RPH3A: variants seen among roughly 807,000 people sequenced by gnomAD.
RPH3A encodes rabphilin-3A.
RPH3A carries 48 observed loss-of-function variants against 102.2 expected under a neutral mutation model. The observed-to-expected ratio is 0.47, with a 90% CI of 0.37 to 0.60. The LOEUF (loss-of-function observed/expected upper bound fraction) is 0.60, where lower values mean the gene tolerates loss of function less well. Ranked by LOEUF, RPH3A falls within the 20% of genes least tolerant of loss-of-function variation. The pLI, the probability that RPH3A is intolerant of heterozygous loss-of-function variation, is 0.00. For synonymous variants in RPH3A, 310 were observed against 324.3 expected (o/e 0.96, Z 0.47); for missense variants, 781 against 910.1 (o/e 0.86, Z 1.83).
chr12:112,869,843 C>T (rs1355553592), intron 9 of RPH3A, 46 bp downstream of exon 9: 1 of 1,613,972 alleles, frequency 6.2e-7, no homozygotes. Context: ...ACGAATTCAC[C>T]TAATTCCCTC....
At position 112,898,461 on chromosome 12, in the gene RPH3A, C is replaced by T. The variant is rs1565952868; in HGVS notation, c.*1681C>T. The T allele has an allele frequency of 6.6e-6, 1 of 152,244 alleles. No individual in the cohort carries two copies. The highest frequency in any genetic ancestry group is 1.5e-5 in the Non-Finnish European group (1 of 68,072). The allele number at this position is 152,244 out of a possible 1,614,324, so 9.4% of individuals were successfully genotyped here. On this transcript the variant is annotated 3_prime_UTR_variant, in exon 22 of 22. Coordinates refer to ENST00000389385, the MANE Select transcript of RPH3A (RefSeq NM_001143854.2). ...TCTTAACTTTTCAACGCCCTCCACC[C>T]TCAGCTCCCTGCACAATTCATGGGA...
At chr12:112,706,465 C>T (rs2040427532) in intron 1 of RPH3A, among the ~76,000 whole-genome samples, 1 of 152,128 alleles carries the variant, frequency 6.6e-6, no homozygotes, top group South Asian at 2.1e-4. Flanking sequence ...CCTACTGATG[C>T]TTGCTGGGAT....
chr12:112,611,623 G>C lies in RPH3A; in HGVS notation c.-140+36304G>C, dbSNP rs144077835. Among the ~76,000 whole-genome samples, 1,163 of 152,168 alleles carry C rather than the reference G, an allele frequency of 7.6e-3. 11 individuals carry two copies. The highest frequency in any genetic ancestry group is 0.027 in the African/African-American group (1,105 of 41,518). On this transcript the variant is annotated intron_variant, in intron 1 of 21. Coordinates refer to the RPH3A transcript ENST00000543106. Reference sequence around the variant, plus strand: ...CCAGCTAATTTTTGTATTTTTGGTAGAGATTGGGAGGGGGGGTTCACCATG... The same window carrying C: ...CCAGCTAATTTTTGTATTTTTGGTACAGATTGGGAGGGGGGGTTCACCATG...
chr12:112,749,966 G>A (rs1383819682), intron 1 of RPH3A, among the ~76,000 whole-genome samples: 1 of 152,158 alleles, frequency 6.6e-6, no homozygotes, highest in African/African-American at 2.4e-5. Context: ...TCTATGGGAT[G>A]CTTAATAATG....
chr12:112,628,562 T>C (rs1440224504), intron 1 of RPH3A, among the ~76,000 whole-genome samples: 2 of 93,090 alleles, frequency 2.1e-5, no homozygotes, highest in African/African-American at 9.2e-5. Context: ...AGGCCTGTCT[T>C]TACCACAAAA....
intron 1 of RPH3A, among the ~76,000 whole-genome samples, chr12:112,610,785 C>T (rs1291395230): frequency 1.3e-5 from 2 of 151,946 alleles, no homozygotes; most frequent in Admixed American, 6.6e-5. Flanking sequence ...GCGCCTGCCG[C>T]CACGCCCAGC....
At chr12:112,864,671 G>T (rs114465173) in intron 5 of RPH3A, among the ~76,000 whole-genome samples, 1,831 of 152,208 alleles carry the variant, frequency 0.012, 45 homozygotes, top group African/African-American at 0.041. Context: ...ATACCTTGGA[G>T]GACTTATAAA....
chr12:112,707,459 C>T (rs1481797392), intron 1 of RPH3A, among the ~76,000 whole-genome samples: 1 of 152,214 alleles, frequency 6.6e-6, no homozygotes, highest in African/African-American at 2.4e-5. Flanking sequence ...GATTGCCTCA[C>T]TTCTCCAAGA....
intron 1 of RPH3A, among the ~76,000 whole-genome samples, chr12:112,668,447 G>A (rs1355327324): frequency 6.6e-6 from 1 of 152,098 alleles, no homozygotes; most frequent in African/African-American, 2.4e-5. Context: ...TAAATAAAAT[G>A]TGGCACATAT....
intron 1 of RPH3A, among the ~76,000 whole-genome samples, chr12:112,723,064 C>T (rs1359876939): frequency 5.3e-5 from 8 of 152,124 alleles, no homozygotes; most frequent in East Asian, 1.9e-4. Flanking sequence ...TACAATTTGC[C>T]GAAATTGTTC....
Position 112,608,240 on chromosome 12 carries a change from C to T in RPH3A, c.-140+32921C>T, listed in dbSNP as rs189451802. On this transcript the variant is annotated intron_variant, in intron 1 of 21. Transcript: ENST00000543106. ...AAGTGATTTTCCAGCCTCAGCCTCC[C>T]GAGTAGCTGGGATTACAGGCACCCG... is the stretch of plus-strand genomic sequence containing the variant. Among the ~76,000 whole-genome samples, 51 of 151,930 alleles carry T rather than the reference C, an allele frequency of 3.4e-4. No homozygotes were observed. The East Asian group carries it at 5.4e-3, about 16-fold the overall frequency.
At chr12:112,609,061 C>A (rs567801906) in intron 1 of RPH3A, among the ~76,000 whole-genome samples, 44 of 152,126 alleles carry the variant, frequency 2.9e-4, no homozygotes, top group Non-Finnish European at 5.7e-4. Flanking sequence ...TTGGACGATG[C>A]CAGATCTGGA....
intron 19 of RPH3A, chr12:112,891,255 A>G: frequency 2.0e-6 from 1 of 507,444 alleles, no homozygotes; most frequent in East Asian, 3.4e-5. Context: ...GGGCCTGCTG[A>G]TGGCTCTGCA....
chr12:112,876,811 A>G lies in RPH3A; in HGVS notation c.1116A>G (p.Pro372=). 1.2e-6 allele frequency: 2 copies of G among 1,610,732 alleles called. No individual in the cohort carries two copies. Among genetic ancestry groups the G allele is most frequent in the Non-Finnish European group, 1.7e-6 (2 of 1,178,380 alleles). ...AAPQPAAARQ[P]PPPEEEEEEA... ...CCCAGCCTGCTGCAGCCCGCCAGCC[A>G]CCACCCCCAGAGGAGGAGGAAGAGG... The change falls in exon 13 of 22, where the codon CCA becomes CCG. Residue 372 remains proline, a synonymous_variant. Coordinates refer to ENST00000389385, the MANE Select transcript of RPH3A (RefSeq NM_001143854.2).
intron 1 of RPH3A, among the ~76,000 whole-genome samples, chr12:112,634,919 A>G (rs962304587): frequency 2.0e-5 from 3 of 152,196 alleles, no homozygotes; most frequent in Admixed American, 6.5e-5. Flanking sequence ...AGAATTTTAC[A>G]TCATTTTGTT....
chr12:112,583,028 T>G (rs1376413924), intron 1 of RPH3A, among the ~76,000 whole-genome samples: 1 of 152,166 alleles, frequency 6.6e-6, no homozygotes, highest in East Asian at 1.9e-4. Context: ...TCCCTGGAAT[T>G]AAAACTTACT....
chr12:112,810,560 C>T (rs1310752166), intron 2 of RPH3A, among the ~76,000 whole-genome samples: 1 of 152,216 alleles, frequency 6.6e-6, no homozygotes, highest in Non-Finnish European at 1.5e-5. Flanking sequence ...TTCTTTTCTT[C>T]CACTTTACCT....
chr12:112,842,082 A>T, intron 4 of RPH3A: 2 of 454,794 alleles, frequency 4.4e-6, no homozygotes, highest in Non-Finnish European at 8.9e-6. Flanking sequence ...GTTTCATTCC[A>T]TTGGGTTCTT....
intron 1 of RPH3A, among the ~76,000 whole-genome samples, chr12:112,648,012 T>C (rs2135995411): frequency 6.6e-6 from 1 of 152,334 alleles, no homozygotes; most frequent in South Asian, 2.1e-4. Flanking sequence ...CACTATAAAA[T>C]ATATTAAAAA....
Sources: allele counts gnomAD v4.1 joint callset (sites outside exome capture counted in the v4.1 genomes callset), GRCh38; gene constraint gnomAD v4.1.1; transcripts MANE v1.5; gene names NCBI Gene and HGNC (gene_info 2026-07-23, HGNC 2026-07-21).